The following REPS2 variants were observed in gnomAD, a reference collection of about 807,000 sequenced individuals.
REPS2 encodes ralBP1-associated Eps domain-containing protein 2.
Under a neutral mutation model 53.6 loss-of-function variants are expected in REPS2, and 23 were observed. That is an observed-to-expected ratio of 0.43 (90% CI 0.31 to 0.61). The LOEUF is 0.61. Among genes scored for constraint, REPS2 ranks in the 20% least tolerant of loss-of-function variants. REPS2 has a pLI of 0.11. For missense variants in REPS2, 446 were observed against 534.9 expected (o/e 0.83, Z 1.64); for synonymous variants, 238 against 218.6 (o/e 1.09, Z -0.78).
intron 2 of REPS2, among the ~76,000 whole-genome samples, chrX:17,007,853 C>G (rs188084070): frequency 2.0e-4 from 22 of 112,086 alleles, no homozygotes; most frequent in African/African-American, 7.1e-4. Flanking sequence ...TCGTATCTTA[C>G]AAGTATGGAA....
intron 17 of REPS2, among the ~76,000 whole-genome samples, chrX:17,142,883 AACTT>A (rs372637107): frequency 1.8e-5 from 2 of 112,357 alleles, no homozygotes; most frequent in Admixed American, 9.4e-5. Context: ...TCTATATATG[AACTT>A]ACATAGCAGT....
At chrX:16,957,819 G>C (rs2060614500) in intron 1 of REPS2, among the ~76,000 whole-genome samples, 1 of 111,451 alleles carries the variant, frequency 9.0e-6, no homozygotes, top group Non-Finnish European at 1.9e-5. Flanking sequence ...CTTTGTTGTG[G>C]AGGACTGTCC....
At chrX:17,024,955 AC>A (rs2061623952) in intron 3 of REPS2, 103 bp from the exon 4 acceptor site, 14 of 1,110,503 alleles carry the variant, frequency 1.3e-5, no homozygotes, top group Non-Finnish European at 1.6e-5. Context: ...CATTTGTTAA[AC>A]CAGCTGGGTC....
chrX:16,980,549 C>T (rs2061009565), intron 1 of REPS2, among the ~76,000 whole-genome samples: 1 of 111,454 alleles, frequency 9.0e-6, no homozygotes, highest in Admixed American at 9.6e-5. Context: ...GATCCACCTG[C>T]CTCGGCCAAA....
chrX:17,133,149 C>T (rs1382077242), intron 14 of REPS2, among the ~76,000 whole-genome samples: 1 of 111,415 alleles, frequency 9.0e-6, no homozygotes, highest in Admixed American at 9.5e-5. Context: ...TTTACCTTCT[C>T]TCCCTTCTTT....
chrX:17,012,413 C>CAAA (rs2061440919), intron 2 of REPS2, among the ~76,000 whole-genome samples: 1 of 108,798 alleles, frequency 9.2e-6, no homozygotes, highest in South Asian at 3.9e-4. Context: ...ACAACAACAA[C>CAAA]AAACAAAACC....
intron 9 of REPS2, among the ~76,000 whole-genome samples, chrX:17,066,604 C>T (rs17312247): frequency 0.44 from 48,398 of 111,108 alleles, 7,790 homozygotes; most frequent in Middle Eastern, 0.56. Flanking sequence ...CTGGATACTT[C>T]GTTTTAATGA....
chrX:17,120,865 A>G (rs967800562), intron 14 of REPS2, among the ~76,000 whole-genome samples: 13 of 111,938 alleles, frequency 1.2e-4, no homozygotes, highest in Admixed American at 6.6e-4. Flanking sequence ...AACCTTTTCC[A>G]TCGGGGAACA....
chrX:17,052,019 A>C (rs1385560281), intron 6 of REPS2, among the ~76,000 whole-genome samples: 1 of 112,070 alleles, frequency 8.9e-6, no homozygotes, highest in Non-Finnish European at 1.9e-5. Context: ...TTACTTTTCT[A>C]TTTGAAATTT....
intron 13 of REPS2, among the ~76,000 whole-genome samples, chrX:17,086,437 A>C (rs1443910745): frequency 1.8e-5 from 2 of 112,453 alleles, no homozygotes; most frequent in African/African-American, 6.5e-5. Context: ...GCCTACATCC[A>C]GTGGTGTGTC....
intron 5 of REPS2, among the ~76,000 whole-genome samples, chrX:17,042,806 A>C (rs2061849833): frequency 9.0e-6 from 1 of 110,682 alleles, no homozygotes; most frequent in Admixed American, 9.6e-5. Flanking sequence ...ATTCATATAT[A>C]TTTTTTTGAG....
At chrX:17,116,385 AT>A (rs1192503138) in intron 14 of REPS2, among the ~76,000 whole-genome samples, 1 of 109,211 alleles carries the variant, frequency 9.2e-6, no homozygotes, top group East Asian at 2.9e-4. Context: ...AATTTTTTGT[AT>A]TTTTTGTAGA....
At chrX:17,027,282 A>G (rs1031543834) in intron 4 of REPS2, among the ~76,000 whole-genome samples, 3 of 112,295 alleles carry the variant, frequency 2.7e-5, no homozygotes, top group Admixed American at 9.4e-5. Context: ...CTAGAACTTC[A>G]TATGAATGAA....
At chrX:17,041,121 G>C (rs772063639) in intron 5 of REPS2, among the ~76,000 whole-genome samples, 2 of 111,851 alleles carry the variant, frequency 1.8e-5, no homozygotes, top group Non-Finnish European at 1.9e-5. Context: ...TCCTGTCACT[G>C]TGCCATCGTC....
intron 2 of REPS2, among the ~76,000 whole-genome samples, chrX:17,012,416 A>AACAAC (rs1569124855): frequency 1.0e-5 from 1 of 96,737 alleles, no homozygotes; most frequent in African/African-American, 4.4e-5. Flanking sequence ...ACAACAACAA[A>AACAAC]CAAAACCCTA....
intron 1 of REPS2, among the ~76,000 whole-genome samples, chrX:16,962,410 G>T (rs2060676614): frequency 9.0e-6 from 1 of 110,586 alleles, no homozygotes; most frequent in African/African-American, 3.3e-5. Context: ...TAAAATAAGT[G>T]AGACACAGAA....
At chrX:16,973,677 G>A (rs182710793) in intron 1 of REPS2, among the ~76,000 whole-genome samples, 1 of 111,428 alleles carries the variant, frequency 9.0e-6, no homozygotes, top group East Asian at 2.8e-4. Context: ...ACAGAAAATA[G>A]GGATGCAAGA....
rs761201687 is a variant in REPS2 at position 17,133,811 on chromosome X, T to C, written c.1579-13T>C. On this transcript the variant is annotated splice_polypyrimidine_tract_variant and intron_variant, in intron 14 of 17. Transcript: ENST00000357277. ...TTTTGCATTTCTGTCCTCTCTCTGA[T>C]CTCTTGCTACAGTCTGAACAAGTGT... is the stretch of plus-strand genomic sequence containing the variant. 3 of 1,197,837 alleles carry C rather than the reference T, an allele frequency of 2.5e-6. No individual in the cohort carries two copies. The highest frequency in any genetic ancestry group is 3.5e-5 in the South Asian group (2 of 56,589).
chrX:16,956,300 T>G (rs1180167104), intron 1 of REPS2, among the ~76,000 whole-genome samples: 1 of 76,442 alleles, frequency 1.3e-5, no homozygotes, highest in Non-Finnish European at 2.5e-5. Context: ...TTTTTTTTTT[T>G]TTTTTTTTTT....
Sources: allele counts gnomAD v4.1 joint callset (sites outside exome capture counted in the v4.1 genomes callset), GRCh38; gene constraint gnomAD v4.1.1; transcripts MANE v1.5; gene names NCBI Gene and HGNC (gene_info 2026-07-23, HGNC 2026-07-21).